The following ZNF791 variants were observed in gnomAD, a reference collection of about 807,000 sequenced individuals.
ZNF791 encodes the protein zinc finger protein 791.
A neutral mutation model predicts 11.5 loss-of-function variants in ZNF791; 4 were observed. That is an observed-to-expected ratio of 0.35 (90% CI 0.17 to 0.80). ZNF791 has a LOEUF of 0.80. Ranked by LOEUF, ZNF791 falls within the 30% of genes least tolerant of loss-of-function variation. The probability of loss-of-function intolerance (pLI) is 0.53; values close to 1 mark genes in which losing one functional copy is unlikely to be tolerated. For synonymous variants in ZNF791, 212 were observed against 228.1 expected (o/e 0.93, Z 0.64); for missense variants, 559 against 699.4 (o/e 0.80, Z 2.26).
chr19:12,619,849 T>C (rs2023309321), intron 1 of ZNF791, among the ~76,000 whole-genome samples: 1 of 82,394 alleles, frequency 1.2e-5, no homozygotes, highest in Non-Finnish European at 2.9e-5. Flanking sequence ...GAACCTTTTT[T>C]TTCTGTTTTT....
chr19:12,628,050 C>G lies in ZNF791; in HGVS notation c.521C>G (p.Pro174Arg). 6.2e-7 allele frequency: 1 copy of G among 1,613,170 alleles called. No homozygotes were observed. The highest frequency in any genetic ancestry group is 8.5e-7 in the Non-Finnish European group (1 of 1,179,658). The stretch of plus-strand genomic sequence containing the variant: ...GGAAAAACCTTCATATATCACCAGC[C>G]CTTTCAAAGACATGAGCGGACTCAC... ...QCGKTFIYHQ[P>R]FQRHERTHIG... Residue 174 changes from proline (P) to arginine (R), a missense_variant, in exon 4 of 4, where the codon CCC becomes CGC. Pro to Arg is a moderately radical substitution (Grantham distance 103). Transcript: ENST00000343325.
At chr19:12,627,364 C>T (rs78105696) in intron 3 of ZNF791, among the ~76,000 whole-genome samples, 32 of 152,268 alleles carry the variant, frequency 2.1e-4, no homozygotes, top group Admixed American at 2.6e-4. Flanking sequence ...CGGTGGCTCA[C>T]GCCTGTAATC....
chr19:12,611,185 G>C, intron 1 of ZNF791, 103 bp downstream of exon 1: 1 of 1,497,816 alleles, frequency 6.7e-7, no homozygotes, highest in Non-Finnish European at 9.1e-7. Flanking sequence ...CTGGCAGCTG[G>C]AACTCCAAGC....
chr19:12,613,130 T>C (rs2145176705), intron 1 of ZNF791, among the ~76,000 whole-genome samples: 1 of 152,106 alleles, frequency 6.6e-6, no homozygotes, highest in East Asian at 2.0e-4. Flanking sequence ...GCTAATTTTT[T>C]TGTATTTTGA....
chr19:12,624,425 T>TTAC (rs1182602052), intron 2 of ZNF791, among the ~76,000 whole-genome samples: 8 of 152,042 alleles, frequency 5.3e-5, no homozygotes, highest in Admixed American at 2.6e-4. Flanking sequence ...AGTGTGGGGA[T>TTAC]TACAGGCATG....
chr19:12,612,083 A>T (rs2023166310), intron 1 of ZNF791: 1 of 483,866 alleles, frequency 2.1e-6, no homozygotes, highest in Non-Finnish European at 2.7e-6. Context: ...CTGTTCTTTT[A>T]GTTTGATGTT....
At chr19:12,626,041 G>A (rs1402548768) in intron 3 of ZNF791, among the ~76,000 whole-genome samples, 2 of 151,230 alleles carry the variant, frequency 1.3e-5, no homozygotes, top group Non-Finnish European at 3.0e-5. Context: ...TTTTTGAGAC[G>A]GAGTCTCGCT....
At chr19:12,612,716 C>T (rs1199251217) in intron 1 of ZNF791, among the ~76,000 whole-genome samples, 1 of 151,364 alleles carries the variant, frequency 6.6e-6, no homozygotes, top group Non-Finnish European at 1.5e-5. Flanking sequence ...GCCTTGGCCT[C>T]CCAAAATGCT....
chr19:12,633,603 G>C lies in ZNF791; in HGVS notation c.*4343G>C, dbSNP rs1411618164. 7 of 152,112 alleles carry C rather than the reference G, an allele frequency of 4.6e-5. No homozygotes were observed. Among genetic ancestry groups the C allele is most frequent in the Admixed American group, 4.6e-4 (7 of 15,258 alleles). 9.4% of individuals were successfully genotyped at this position (152,112 alleles called of 1,614,324 possible). A position where few individuals can be genotyped will look rare whatever the true frequency, so the allele number is the denominator to read the frequency against. On this transcript the variant is annotated 3_prime_UTR_variant, in exon 4 of 4. Coordinates refer to ENST00000343325, the MANE Select transcript of ZNF791 (RefSeq NM_153358.3). ...TTGGTTTCCACAGTTGTCTCCACAA[G>C]CTCCGCATCAAAGATCCACGTACAG...
intron 1 of ZNF791, 72 bp from the exon 2 acceptor site, chr19:12,623,628 T>C (rs1195677327): frequency 6.3e-7 from 1 of 1,596,752 alleles, no homozygotes; most frequent in African/African-American, 1.4e-5. Flanking sequence ...CGTGTGTGAA[T>C]TTCTTATGAA....
At chr19:12,616,812 A>G (rs993230578) in intron 1 of ZNF791, among the ~76,000 whole-genome samples, 12 of 152,228 alleles carry the variant, frequency 7.9e-5, no homozygotes, top group Non-Finnish European at 1.8e-4. Context: ...TTCTTTTAAC[A>G]CTTTCTTTCA....
In ZNF791 at chr19:12,628,243, C is replaced by G; in HGVS notation, c.714C>G (p.His238Gln). 1.9e-6 allele frequency: 3 copies of G among 1,613,824 alleles called. No homozygotes were observed. Among genetic ancestry groups the G allele is most frequent in the Non-Finnish European group, 2.5e-6 (3 of 1,179,888 alleles). ...SSSIRVHERT[H>Q]TGEKPYACKE... ...CTATTCGAGTACACGAAAGAACTCA[C>G]ACTGGAGAGAAACCCTATGCATGTA... is the stretch of plus-strand genomic sequence containing the variant. Residue 238 changes from histidine (H) to glutamine (Q), a missense_variant, in exon 4 of 4, where the codon CAC (histidine) becomes CAG (glutamine). By Grantham distance (24) the His-to-Gln change is conservative. Coordinates refer to ENST00000343325, the MANE Select transcript of ZNF791 (RefSeq NM_153358.3).
At chr19:12,620,458 G>A (rs1482870429) in intron 1 of ZNF791, among the ~76,000 whole-genome samples, 2 of 152,162 alleles carry the variant, frequency 1.3e-5, no homozygotes, top group African/African-American at 2.4e-5. Context: ...TTATAGGCAT[G>A]AGCCATCACG....
intron 1 of ZNF791, among the ~76,000 whole-genome samples, chr19:12,620,339 C>T (rs920813411): frequency 6.6e-6 from 1 of 152,062 alleles, no homozygotes; most frequent in Non-Finnish European, 1.5e-5. Flanking sequence ...CCACGCCTGG[C>T]CAAGTTTTGT....
intron 1 of ZNF791, among the ~76,000 whole-genome samples, chr19:12,622,676 C>T (rs2023372417): frequency 2.0e-5 from 3 of 151,660 alleles, no homozygotes; most frequent in Non-Finnish European, 4.4e-5. Context: ...GGGTGGATCA[C>T]GAGGTCGGGA....
Position 12,628,146 on chromosome 19 carries a change from A to C in ZNF791, c.617A>C (p.His206Pro). 6.2e-7 allele frequency: 1 copy of C among 1,614,214 alleles called. No individual in the cohort carries two copies. Among genetic ancestry groups the C allele is most frequent in the Non-Finnish European group, 8.5e-7 (1 of 1,180,028 alleles). ...AGTTGTTCCAGTTCGCTTCGAGTTC[A>C]TGAAAGGATTCACACTGGAGAAAAG... is the stretch of plus-strand genomic sequence containing the variant. Reference protein sequence around the residue: ...ALSCSSSLRVHERIHTGEKPY... With the variant: ...ALSCSSSLRVPERIHTGEKPY... Residue 206 changes from histidine to proline, a missense_variant, in exon 4 of 4, where the codon CAT becomes CCT. His to Pro is a moderately conservative substitution (Grantham distance 77). Transcript: ENST00000343325.
intron 3 of ZNF791, among the ~76,000 whole-genome samples, chr19:12,625,037 G>A (rs2023405881): frequency 6.6e-6 from 1 of 151,478 alleles, no homozygotes; most frequent in South Asian, 2.1e-4. Context: ...GCAACAGAGC[G>A]AGACTCTGTC....
At chr19:12,617,972 C>A (rs1043756810) in intron 1 of ZNF791, among the ~76,000 whole-genome samples, 1 of 141,756 alleles carries the variant, frequency 7.1e-6, no homozygotes, top group Non-Finnish European at 1.5e-5. Context: ...GGCTGGAGTG[C>A]AGAGGCAAGA....
chr19:12,611,982 A>G (rs2023164356), intron 1 of ZNF791, among the ~76,000 whole-genome samples: 1 of 152,250 alleles, frequency 6.6e-6, no homozygotes, highest in Non-Finnish European at 1.5e-5. Flanking sequence ...CAAAAAAGAA[A>G]TGAATCTCAG....
Sources: allele counts gnomAD v4.1 joint callset (sites outside exome capture counted in the v4.1 genomes callset), GRCh38; gene constraint gnomAD v4.1.1; transcripts MANE v1.5; gene names NCBI Gene and HGNC (gene_info 2026-07-23, HGNC 2026-07-21).